MINAR2: variants seen among roughly 807,000 people sequenced by gnomAD.
MINAR2 encodes the protein membrane integral NOTCH2 associated receptor 2.
A neutral mutation model predicts 16.1 loss-of-function variants in MINAR2; 21 were observed. That is an observed-to-expected ratio of 1.31 (90% confidence interval 0.93 to 1.88). The LOEUF is 1.88. Among genes scored for constraint, MINAR2 ranks in the 40% most tolerant of loss-of-function variants. The probability of loss-of-function intolerance (pLI) is 0.00; values close to 1 mark genes in which losing one functional copy is unlikely to be tolerated. For synonymous variants in MINAR2, 86 were observed against 83.0 expected (o/e 1.04, Z -0.20); for missense variants, 259 against 229.8 (o/e 1.13, Z -0.82).
chr5:129,756,724 T>C (rs1758058486), intron 1 of MINAR2, among the ~76,000 whole-genome samples: 1 of 152,032 alleles, frequency 6.6e-6, no homozygotes, highest in Non-Finnish European at 1.5e-5. Flanking sequence ...GTTTTATAAA[T>C]GTTGAGACTA....
intron 1 of MINAR2, among the ~76,000 whole-genome samples, chr5:129,752,778 CTT>C (rs74312033): frequency 1.1e-3 from 158 of 146,998 alleles, no homozygotes; most frequent in African/African-American, 3.5e-3. Flanking sequence ...AAATGTGTGT[CTT>C]TTTTTTTTTT....
intron 1 of MINAR2, among the ~76,000 whole-genome samples, chr5:129,758,819 T>C (rs2149546187): frequency 6.6e-6 from 1 of 152,162 alleles, no homozygotes; most frequent in Middle Eastern, 3.4e-3. Flanking sequence ...TTTTTCTCAA[T>C]TCAGAAACAT....
At chr5:129,758,949 C>T (rs542167458) in intron 1 of MINAR2, among the ~76,000 whole-genome samples, 2 of 151,982 alleles carry the variant, frequency 1.3e-5, no homozygotes, top group South Asian at 4.1e-4. Context: ...ACCTATTAAA[C>T]TCAGAGAAGG....
chr5:129,764,669 G>T (rs773947719), intron 2 of MINAR2, among the ~76,000 whole-genome samples: 1 of 152,080 alleles, frequency 6.6e-6, no homozygotes, highest in Non-Finnish European at 1.5e-5. Context: ...GGAATTGCAG[G>T]GATTCCTTGT....
At chr5:129,759,487 A>G (rs959785431) in intron 1 of MINAR2, among the ~76,000 whole-genome samples, 1 of 152,162 alleles carries the variant, frequency 6.6e-6, no homozygotes, top group Non-Finnish European at 1.5e-5. Context: ...GATATACTTA[A>G]GAAGGAAACA....
rs1050524925 is a variant in MINAR2, at chr5:129,760,451, C to T, written c.239C>T (p.Pro80Leu). 37 of 1,535,654 alleles carry T rather than the reference C, an allele frequency of 2.4e-5. No individual in the cohort carries two copies. In the African/African-American group the frequency reaches 3.8e-4, roughly 16 times the overall value. Residue 80 changes from proline to leucine, a missense_variant, in exon 2 of 3, where the codon CCC becomes CTC. Coordinates refer to ENST00000564719, the MANE Select transcript of MINAR2 (RefSeq NM_001257308.2). ...SADSLVTADSPPPSMSSVMKN... is the reference protein window; with the variant it reads ...SADSLVTADSLPPSMSSVMKN... ...GACAGCCTTGTCACTGCTGATAGCC[C>T]CCCACCATCCATGTCATCAGTTATG...
intron 1 of MINAR2, among the ~76,000 whole-genome samples, chr5:129,751,920 AACAG>A (rs2149544831): frequency 6.6e-6 from 1 of 152,320 alleles, no homozygotes; most frequent in South Asian, 2.1e-4. Flanking sequence ...AAAGGATATG[AACAG>A]ACACTTCTCA....
At chr5:129,754,346 A>C (rs1321704292) in intron 1 of MINAR2, among the ~76,000 whole-genome samples, 1 of 152,200 alleles carries the variant, frequency 6.6e-6, no homozygotes, top group African/African-American at 2.4e-5. Context: ...CCATTCTAGC[A>C]ATTTAAAACA....
chr5:129,755,285 G>C (rs1047247426), intron 1 of MINAR2, among the ~76,000 whole-genome samples: 1 of 152,046 alleles, frequency 6.6e-6, no homozygotes, highest in Non-Finnish European at 1.5e-5. Flanking sequence ...GTGTATAAGA[G>C]AAATTGGCTT....
At chr5:129,764,572 C>T (rs533908503) in intron 2 of MINAR2, among the ~76,000 whole-genome samples, 39 of 152,106 alleles carry the variant, frequency 2.6e-4, no homozygotes, top group Non-Finnish European at 4.3e-4. Flanking sequence ...ATAGAAACAC[C>T]GTTGTGTTTC....
At chr5:129,758,378 AT>A (rs1758082420) in intron 1 of MINAR2, among the ~76,000 whole-genome samples, 1 of 152,026 alleles carries the variant, frequency 6.6e-6, no homozygotes, top group Non-Finnish European at 1.5e-5. Context: ...AATTTATACT[AT>A]TAATTTTCCT....
intron 1 of MINAR2, among the ~76,000 whole-genome samples, chr5:129,753,887 C>A (rs1488958260): frequency 6.6e-6 from 1 of 152,052 alleles, no homozygotes; most frequent in Non-Finnish European, 1.5e-5. Context: ...ACAATCATTT[C>A]TCCTTTCTAA....
intron 1 of MINAR2, among the ~76,000 whole-genome samples, chr5:129,759,219 A>G (rs1758093742): frequency 6.6e-6 from 1 of 152,116 alleles, no homozygotes; most frequent in Non-Finnish European, 1.5e-5. Context: ...AATTCCTATT[A>G]AATATTCTCT....
rs2149547583 is a variant in MINAR2 at position 129,765,634 on chromosome 5, A to T, written c.*571A>T. 1 of 152,292 alleles carries T rather than the reference A, an allele frequency of 6.6e-6. No homozygotes were observed. Among genetic ancestry groups the T allele is most frequent in the Non-Finnish European group, 1.5e-5 (1 of 68,020 alleles). The allele number at this position is 152,292 out of a possible 1,614,324, so 9.4% of individuals were successfully genotyped here. On this transcript the variant is annotated 3_prime_UTR_variant, in exon 3 of 3. Coordinates refer to ENST00000564719, the MANE Select transcript of MINAR2 (RefSeq NM_001257308.2). ...AAAAAAGGAAAAAGGGAAATATCTT[A>T]TTCAAATCTATTCTTATTTCCCCAG...
In MINAR2 at chr5:129,765,225, C is replaced by T; in HGVS notation, c.*162C>T. 2.3e-6 allele frequency: 1 copy of T among 434,098 alleles called. No homozygotes were observed. Among genetic ancestry groups the T allele is most frequent in the African/African-American group, 2.0e-5 (1 of 49,338 alleles). 26.9% of individuals were successfully genotyped at this position (434,098 alleles called of 1,614,324 possible). ...TAATTGTCCTGAAGAATGTGAATGT[C>T]AGGCGTGGTATGCTGGCTTCTCCAC... On this transcript the variant is annotated 3_prime_UTR_variant, in exon 3 of 3. Coordinates refer to ENST00000564719, the MANE Select transcript of MINAR2 (RefSeq NM_001257308.2).
chr5:129,748,116 G>C lies in MINAR2; in HGVS notation c.-75G>C. The stretch of plus-strand genomic sequence containing the variant: ...TTCAGATGCAGTCAGAGCATCCTCA[G>C]GCACATTAATAATGGAGGAGTCTGA... On this transcript the variant is annotated 5_prime_UTR_variant, in exon 1 of 3. Coordinates refer to ENST00000564719, the MANE Select transcript of MINAR2 (RefSeq NM_001257308.2). The C allele has an allele frequency of 1.5e-6, 2 of 1,377,228 alleles. No individual in the cohort carries two copies. The highest frequency in any genetic ancestry group is 4.3e-5 in the Admixed American group (2 of 47,058). 85.3% of individuals were successfully genotyped at this position (1,377,228 alleles called of 1,614,324 possible). A position where few individuals can be genotyped will look rare whatever the true frequency, so the allele number is the denominator to read the frequency against.
At position 129,748,134 on chromosome 5, in the gene MINAR2, G is replaced by A; in HGVS notation, c.-57G>A. 1 of 1,463,690 alleles carries A rather than the reference G, an allele frequency of 6.8e-7. No individual in the cohort carries two copies. Among genetic ancestry groups the A allele is most frequent in the South Asian group, 1.3e-5 (1 of 78,746 alleles). The allele number at this position is 1,463,690 out of a possible 1,614,324, so 90.7% of individuals were successfully genotyped here. A position where few individuals can be genotyped will look rare whatever the true frequency, so the allele number is the denominator to read the frequency against. On this transcript the variant is annotated 5_prime_UTR_variant, in exon 1 of 3. Transcript: ENST00000564719. ...ATCCTCAGGCACATTAATAATGGAG[G>A]AGTCTGACAAGAGCAGCTTTGCCTG...
At chr5:129,763,760 A>G (rs988076940) in intron 2 of MINAR2, among the ~76,000 whole-genome samples, 12 of 152,238 alleles carry the variant, frequency 7.9e-5, no homozygotes, top group African/African-American at 2.9e-4. Flanking sequence ...CATCAGCAGA[A>G]TCTATCCTCG....
intron 2 of MINAR2, among the ~76,000 whole-genome samples, chr5:129,764,053 A>G (rs1308042721): frequency 1.3e-5 from 2 of 152,360 alleles, no homozygotes; most frequent in East Asian, 3.9e-4. Context: ...CACCAAATCT[A>G]CAGCACCAAA....
Sources: gnomAD v4.1 joint callset for allele counts (sites outside exome capture counted in the v4.1 genomes callset) on GRCh38, gnomAD v4.1.1 for gene constraint, MANE v1.5 for transcripts, NCBI Gene and HGNC (gene_info 2026-07-23, HGNC 2026-07-21) for gene names.